The following TTC28 variants were observed in gnomAD, a reference collection of about 807,000 sequenced individuals.
TTC28 encodes tetratricopeptide repeat protein 28.
TTC28 carries 61 observed loss-of-function variants against 198.0 expected under a neutral mutation model. That is an observed-to-expected ratio of 0.31 (90% CI 0.25 to 0.38). The LOEUF (loss-of-function observed/expected upper bound fraction) is 0.38, where lower values mean the gene tolerates loss of function less well. TTC28 is among the 10% of genes least tolerant of loss of function. The probability of loss-of-function intolerance (pLI) is 1.00; values close to 1 mark genes in which losing one functional copy is unlikely to be tolerated. For missense variants in TTC28, 2,678 were observed against 3,164.0 expected (o/e 0.85, Z 3.69); for synonymous variants, 1,171 against 1,297.8 (o/e 0.90, Z 2.10).
intron 5 of TTC28, among the ~76,000 whole-genome samples, chr22:28,225,851 C>T (rs567880835): frequency 3.9e-5 from 6 of 152,304 alleles, no homozygotes; most frequent in African/African-American, 1.2e-4. Flanking sequence ...GATTAGTTTG[C>T]ATTTTGTAGA....
intron 5 of TTC28, among the ~76,000 whole-genome samples, chr22:28,227,258 T>C (rs1248532404): frequency 6.6e-6 from 1 of 152,160 alleles, no homozygotes; most frequent in Non-Finnish European, 1.5e-5. Flanking sequence ...ATGAAAGACC[T>C]AAACTCAAGA....
In TTC28 at chr22:28,429,216, T is replaced by C. The variant is rs200274307; in HGVS notation, c.382-122573A>G. Among the ~76,000 whole-genome samples the C allele has an allele frequency of 3.2e-4, 48 of 152,290 alleles. No individual in the cohort carries two copies. In the East Asian group the frequency reaches 7.5e-3, roughly 24 times the overall value. On this transcript the variant is annotated intron_variant, in intron 2 of 22. Transcript: ENST00000397906. ...ACACACTTCCAAATCAAAGAACAGC[T>C]CTCGAGTCACTTGCAGCTTTTGTAT... is the stretch of plus-strand genomic sequence containing the variant.
intron 5 of TTC28, among the ~76,000 whole-genome samples, chr22:28,252,180 C>T (rs887775802): frequency 2.0e-5 from 3 of 152,182 alleles, no homozygotes; most frequent in African/African-American, 7.2e-5. Flanking sequence ...AGATTTTCAA[C>T]AGCTCCTTTC....
At chr22:28,110,709 A>C (rs529000865) in intron 6 of TTC28, among the ~76,000 whole-genome samples, 1 of 152,160 alleles carries the variant, frequency 6.6e-6, no homozygotes, top group Non-Finnish European at 1.5e-5. Context: ...CTGAGGCAAG[A>C]GGATCGCTTG....
At chr22:28,661,050 C>A (rs893439472) in intron 1 of TTC28, among the ~76,000 whole-genome samples, 1 of 151,714 alleles carries the variant, frequency 6.6e-6, no homozygotes, top group South Asian at 2.1e-4. Flanking sequence ...TTTGGGAGGC[C>A]GAGGTGAGCG....
chr22:28,438,568 A>G (rs1333769316), intron 2 of TTC28, among the ~76,000 whole-genome samples: 2 of 152,230 alleles, frequency 1.3e-5, no homozygotes, highest in Non-Finnish European at 1.5e-5. Flanking sequence ...GAACAGTAAA[A>G]TAACATTAGA....
Position 28,645,032 on chromosome 22 carries a change from C to T in TTC28, c.103-15202G>A, listed in dbSNP as rs146516643. Among the ~76,000 whole-genome samples the T allele has an allele frequency of 2.6e-4, 40 of 151,762 alleles. No individual in the cohort carries two copies. The East Asian group carries it at 6.7e-3, about 25-fold the overall frequency. On this transcript the variant is annotated intron_variant, in intron 1 of 22. Coordinates refer to ENST00000397906, the MANE Select transcript of TTC28 (RefSeq NM_001145418.2). ...TGGTGGCAGGCACCTGTAGTCCCAGCTACTCAGGAGGCTGAGGCAGGAGAA... is the reference window on the plus strand; with the variant it reads ...TGGTGGCAGGCACCTGTAGTCCCAGTTACTCAGGAGGCTGAGGCAGGAGAA...
rs1000545976 is a variant in TTC28, at chr22:28,381,058, A to G, written c.382-74415T>C. Among the ~76,000 whole-genome samples, 14 of 152,098 alleles carry G rather than the reference A, an allele frequency of 9.2e-5. No individual in the cohort carries two copies. In the East Asian group the frequency reaches 2.1e-3, roughly 23 times the overall value. ...TACATGTACTAGGTTTACAGTTGTT[A>G]AAAGAGAAAATGTCAGTAGGGAGGC... On this transcript the variant is annotated intron_variant, in intron 2 of 22. Transcript: ENST00000397906.
At chr22:27,988,729 C>T (rs2146511801) in intron 21 of TTC28, among the ~76,000 whole-genome samples, 1 of 152,274 alleles carries the variant, frequency 6.6e-6, no homozygotes, top group African/African-American at 2.4e-5. Context: ...GGCATCACAG[C>T]CCACAGATCT....
intron 1 of TTC28, among the ~76,000 whole-genome samples, chr22:28,647,217 C>T (rs1267401617): frequency 1.3e-5 from 2 of 152,170 alleles, no homozygotes; most frequent in Non-Finnish European, 2.9e-5. Context: ...TGTCTTTCAC[C>T]ATATACAGAA....
chr22:28,442,318 G>A (rs927784728), intron 2 of TTC28, among the ~76,000 whole-genome samples: 5 of 152,232 alleles, frequency 3.3e-5, no homozygotes, highest in African/African-American at 1.2e-4. Context: ...GCAGGCTGAA[G>A]GCCCGGCTAT....
chr22:28,389,832 C>T (rs1460844288), intron 2 of TTC28, among the ~76,000 whole-genome samples: 1 of 151,254 alleles, frequency 6.6e-6, no homozygotes, highest in Non-Finnish European at 1.5e-5. Context: ...TTTTTTGTGT[C>T]TCTATTACCT....
At chr22:28,521,923 G>A (rs1477920166) in intron 2 of TTC28, among the ~76,000 whole-genome samples, 1 of 152,164 alleles carries the variant, frequency 6.6e-6, no homozygotes, top group Non-Finnish European at 1.5e-5. Context: ...AGCTCTACAA[G>A]CTAGTCCTTA....
chr22:28,577,271 CT>C (rs924398275), intron 2 of TTC28, among the ~76,000 whole-genome samples: 73 of 152,138 alleles, frequency 4.8e-4, no homozygotes, highest in African/African-American at 1.8e-3. Flanking sequence ...CCATGTATTT[CT>C]ACAGTTTCCA....
At chr22:28,254,048 G>A (rs1320198582) in intron 5 of TTC28, among the ~76,000 whole-genome samples, 1 of 150,396 alleles carries the variant, frequency 6.6e-6, no homozygotes, top group African/African-American at 2.5e-5. Flanking sequence ...AGGTTGCAGT[G>A]AGCCGAGATA....
intron 2 of TTC28, among the ~76,000 whole-genome samples, chr22:28,357,283 A>G (rs1232437070): frequency 6.7e-6 from 1 of 149,526 alleles, no homozygotes; most frequent in Non-Finnish European, 1.5e-5. Context: ...TGGTTTAGTC[A>G]TTAGGTAGAA....
intron 2 of TTC28, among the ~76,000 whole-genome samples, chr22:28,565,105 A>G (rs1327286274): frequency 6.6e-6 from 1 of 151,956 alleles, no homozygotes; most frequent in Non-Finnish European, 1.5e-5. Context: ...ATTCACATAC[A>G]GTACAGTTCT....
chr22:27,992,353 G>GT, intron 19 of TTC28: 1 of 562,988 alleles, frequency 1.8e-6, no homozygotes, highest in Non-Finnish European at 3.2e-6. Flanking sequence ...CATCATGCCG[G>GT]TAAGGGGCAG....
chr22:28,381,662 T>A (rs766011231), intron 2 of TTC28, among the ~76,000 whole-genome samples: 5 of 152,116 alleles, frequency 3.3e-5, no homozygotes, highest in African/African-American at 9.7e-5. Context: ...TACTTTAAAA[T>A]AATAAAAACT....
Sources: gnomAD v4.1 joint callset for allele counts (sites outside exome capture counted in the v4.1 genomes callset) on GRCh38, gnomAD v4.1.1 for gene constraint, MANE v1.5 for transcripts, NCBI Gene and HGNC (gene_info 2026-07-23, HGNC 2026-07-21) for gene names.